Variants in MCU observed in about 807,000 individuals in gnomAD.
MCU encodes mitochondrial calcium uniporter.
Under a neutral mutation model 45.2 loss-of-function variants are expected in MCU, and 12 were observed. The observed-to-expected ratio is 0.27, with a 90% CI of 0.17 to 0.43. The LOEUF is 0.43. Among genes scored for constraint, MCU ranks in the 20% least tolerant of loss-of-function variants. The pLI is 1.00. For synonymous variants in MCU, 160 were observed against 165.1 expected (o/e 0.97, Z 0.24); for missense variants, 324 against 436.7 (o/e 0.74, Z 2.30).
At chr10:72,714,837 C>T (rs927835028) in intron 1 of MCU, among the ~76,000 whole-genome samples, 8 of 152,280 alleles carry the variant, frequency 5.3e-5, no homozygotes, top group African/African-American at 1.2e-4. Context: ...TGAGCCACTG[C>T]GCCCTGCCCA....
At chr10:72,786,359 T>C (rs1407637806) in intron 1 of MCU, among the ~76,000 whole-genome samples, 1 of 152,214 alleles carries the variant, frequency 6.6e-6, no homozygotes, top group African/African-American at 2.4e-5. Flanking sequence ...GCTGTGCTCA[T>C]TCTTAGCTCT....
chr10:72,736,344 C>T (rs1376438961), intron 1 of MCU: 1 of 152,212 alleles, frequency 6.6e-6, no homozygotes, highest in African/African-American at 2.4e-5. Context: ...TATCAGATAA[C>T]TAGACAGTAA....
At chr10:72,811,927 G>C (rs1269943875) in intron 1 of MCU, among the ~76,000 whole-genome samples, 1 of 151,834 alleles carries the variant, frequency 6.6e-6, no homozygotes, top group East Asian at 1.9e-4. Context: ...ACATTTCCCT[G>C]TATCTTCCTT....
In MCU at chr10:72,879,479, T is replaced by C. The variant is rs1353484193; in HGVS notation, c.862-4787T>C. The stretch of plus-strand genomic sequence containing the variant: ...CTTCAATTTCTAGAAAGAAAATAAC[T>C]GTCATCTTAGACTTCTATACTCAGC... On this transcript the variant is annotated intron_variant, in intron 6 of 7. Coordinates refer to ENST00000373053, the MANE Select transcript of MCU (RefSeq NM_138357.3). Among the ~76,000 whole-genome samples the C allele has an allele frequency of 2.6e-5, 4 of 152,306 alleles. No homozygotes were observed. The South Asian group carries it at 6.2e-4, about 24-fold the overall frequency.
intron 2 of MCU, among the ~76,000 whole-genome samples, chr10:72,848,237 T>C (rs1364418000): frequency 1.3e-5 from 2 of 152,236 alleles, no homozygotes; most frequent in African/African-American, 4.8e-5. Flanking sequence ...GAGGCATCTA[T>C]ACTATCTTAG....
intron 1 of MCU, among the ~76,000 whole-genome samples, chr10:72,695,162 T>C (rs1358937303): frequency 1.3e-5 from 2 of 152,252 alleles, no homozygotes; most frequent in African/African-American, 4.8e-5. Context: ...ACAAACTATT[T>C]CGTCTCTGAT....
intron 1 of MCU, among the ~76,000 whole-genome samples, chr10:72,777,581 A>T (rs1319426442): frequency 1.3e-5 from 2 of 152,232 alleles, no homozygotes; most frequent in African/African-American, 2.4e-5. Flanking sequence ...TAAGACCTGG[A>T]ACTGTGAAAC....
chr10:72,696,520 C>A (rs1184105321), intron 1 of MCU, among the ~76,000 whole-genome samples: 1 of 152,120 alleles, frequency 6.6e-6, no homozygotes, highest in African/African-American at 2.4e-5. Context: ...TGGCTCTTAA[C>A]CCTTTTCTAT....
At chr10:72,715,336 C>A in intron 1 of MCU, 1 of 195,990 alleles carries the variant, frequency 5.1e-6, no homozygotes, top group Non-Finnish European at 9.3e-6. Flanking sequence ...TCCTTGTGGG[C>A]TGGCTCTTTG....
intron 1 of MCU, among the ~76,000 whole-genome samples, chr10:72,782,440 G>A (rs770316812): frequency 1.2e-4 from 18 of 152,170 alleles, no homozygotes; most frequent in Non-Finnish European, 2.5e-4. Flanking sequence ...GCGCAGTCTC[G>A]GCTCACTGCA....
intron 1 of MCU, among the ~76,000 whole-genome samples, chr10:72,791,793 C>A (rs1844164403): frequency 6.6e-6 from 1 of 151,052 alleles, no homozygotes; most frequent in Admixed American, 6.6e-5. Context: ...TTAATTTTTT[C>A]CCTTCTGAAC....
chr10:72,717,684 G>A (rs1842971429), intron 1 of MCU, among the ~76,000 whole-genome samples: 1 of 152,132 alleles, frequency 6.6e-6, no homozygotes, highest in South Asian at 2.1e-4. Flanking sequence ...AACTAAAATT[G>A]GCATAGATAG....
intron 2 of MCU, among the ~76,000 whole-genome samples, chr10:72,842,872 T>C (rs922091521): frequency 6.7e-6 from 1 of 150,118 alleles, no homozygotes; most frequent in Non-Finnish European, 1.5e-5. Flanking sequence ...TAAAATAATT[T>C]ATTTTATAAA....
chr10:72,808,484 G>A (rs1844488879), intron 1 of MCU, among the ~76,000 whole-genome samples: 1 of 152,132 alleles, frequency 6.6e-6, no homozygotes, highest in African/African-American at 2.4e-5. Context: ...AGCCATTAGA[G>A]GAAAGGAAAT....
At chr10:72,829,525 TTTC>T (rs1844848862) in intron 1 of MCU, among the ~76,000 whole-genome samples, 1 of 151,952 alleles carries the variant, frequency 6.6e-6, no homozygotes, top group African/African-American at 2.4e-5. Context: ...TTTGCTGACT[TTTC>T]TTTCTTTTTT....
chr10:72,772,024 A>G lies in MCU; in HGVS notation c.151-62335A>G, dbSNP rs150971485. Among the ~76,000 whole-genome samples, 223 of 152,298 alleles carry G rather than the reference A, an allele frequency of 1.5e-3. 2 individuals carry two copies. Among genetic ancestry groups the G allele is most frequent in the African/African-American group, 4.9e-3 (202 of 41,562 alleles). On this transcript the variant is annotated intron_variant, in intron 1 of 7. Coordinates refer to ENST00000373053, the MANE Select transcript of MCU (RefSeq NM_138357.3). ...GAGGTAGTCAGCGAACTTCCCCACCATCTTGGGTTCCCTGTCGGGAGACTT... is the reference window on the plus strand; with the variant it reads ...GAGGTAGTCAGCGAACTTCCCCACCGTCTTGGGTTCCCTGTCGGGAGACTT...
At chr10:72,786,575 G>A (rs1164723090) in intron 1 of MCU, among the ~76,000 whole-genome samples, 1 of 151,888 alleles carries the variant, frequency 6.6e-6, no homozygotes, top group African/African-American at 2.4e-5. Context: ...GCGAAACCCC[G>A]TCTCTACCAA....
intron 1 of MCU, among the ~76,000 whole-genome samples, chr10:72,761,938 C>T (rs993239487): frequency 2.0e-5 from 3 of 152,146 alleles, no homozygotes; most frequent in Admixed American, 6.6e-5. Flanking sequence ...GATTTAGGAA[C>T]GTATTTTTAG....
At position 72,704,970 on chromosome 10, in the gene MCU, C is replaced by T. The variant is rs542951560; in HGVS notation, c.150+12669C>T. 4.3e-4 allele frequency among the ~76,000 whole-genome samples: 66 copies of T among 152,118 alleles called. 1 individual carries two copies. Among genetic ancestry groups the T allele is most frequent in the Admixed American group, 8.5e-4 (13 of 15,270 alleles). On this transcript the variant is annotated intron_variant, in intron 1 of 7. Coordinates refer to ENST00000373053, the MANE Select transcript of MCU (RefSeq NM_138357.3). Reference sequence around the variant, plus strand: ...TCCTGACCTCATAATCCGCCCGCCTCGGCCTCCCAAAGTGCTGGGATTACA... The same window carrying T: ...TCCTGACCTCATAATCCGCCCGCCTTGGCCTCCCAAAGTGCTGGGATTACA...
Sources: allele counts gnomAD v4.1 joint callset (sites outside exome capture counted in the v4.1 genomes callset), GRCh38; gene constraint gnomAD v4.1.1; transcripts MANE v1.5; gene names NCBI Gene and HGNC (gene_info 2026-07-23, HGNC 2026-07-21).